Variants in AGO3 observed in about 807,000 individuals in gnomAD.
The protein encoded by AGO3 is argonaute RISC catalytic component 3.
Under a neutral mutation model 105.5 loss-of-function variants are expected in AGO3, and 16 were observed. The observed-to-expected ratio is 0.15, with a 90% confidence interval of 0.10 to 0.23. AGO3 has a LOEUF of 0.23. Ranked by LOEUF, AGO3 falls within the 10% of genes least tolerant of loss-of-function variation. AGO3 has a pLI of 1.00. For synonymous variants in AGO3, 340 were observed against 367.3 expected (o/e 0.93, Z 0.85); for missense variants, 534 against 1,088.0 (o/e 0.49, Z 7.16).
At chr1:36,022,332 A>G (rs963614328) in intron 11 of AGO3, among the ~76,000 whole-genome samples, 1 of 152,096 alleles carries the variant, frequency 6.6e-6, no homozygotes, top group Admixed American at 6.6e-5. Context: ...CACCCAAAGT[A>G]CTAGGATTAT....
chr1:35,935,863 A>G (rs1646137791), intron 1 of AGO3, among the ~76,000 whole-genome samples: 1 of 152,266 alleles, frequency 6.6e-6, no homozygotes, highest in Non-Finnish European at 1.5e-5. Flanking sequence ...ACTTAAAACT[A>G]GAATCTTAAA....
In AGO3 at chr1:36,020,557, C is replaced by A. The variant is rs952030156; in HGVS notation, c.1406+6509C>A. Among the ~76,000 whole-genome samples, 31 of 152,142 alleles carry A rather than the reference C, an allele frequency of 2.0e-4. 1 individual carries two copies. The highest frequency in any genetic ancestry group is 7.2e-4 in the African/African-American group (30 of 41,422). ...TCTTTTCCATTAACCTCCTTGAAGA[C>A]AAAATAGGATTTTATTTGCTTGTGA... is the stretch of plus-strand genomic sequence containing the variant. On this transcript the variant is annotated intron_variant, in intron 11 of 18. Coordinates refer to ENST00000373191, the MANE Select transcript of AGO3 (RefSeq NM_024852.4).
At chr1:35,932,756 A>G (rs1374682342) in intron 1 of AGO3, among the ~76,000 whole-genome samples, 2 of 152,156 alleles carry the variant, frequency 1.3e-5, no homozygotes, top group African/African-American at 2.4e-5. Context: ...TAAAAAAATT[A>G]CCATACTACT....
At chr1:36,029,511 C>T (rs1641668727) in intron 12 of AGO3, among the ~76,000 whole-genome samples, 1 of 150,926 alleles carries the variant, frequency 6.6e-6, no homozygotes, top group African/African-American at 2.4e-5. Context: ...TCTCCTGCCT[C>T]AGCCTCCTGA....
At chr1:36,006,130 C>A (rs1640322669) in intron 6 of AGO3, among the ~76,000 whole-genome samples, 1 of 149,604 alleles carries the variant, frequency 6.7e-6, no homozygotes, top group African/African-American at 2.5e-5. Context: ...TTAAAGAAGG[C>A]TCTTTAAAGT....
Position 36,015,292 on chromosome 1 carries a change from G to A in AGO3, c.1406+1244G>A, listed in dbSNP as rs541949725. Among the ~76,000 whole-genome samples the A allele has an allele frequency of 8.6e-4, 131 of 152,278 alleles. 2 individuals are homozygous for A. Among genetic ancestry groups the A allele is most frequent in the African/African-American group, 3.1e-3 (129 of 41,558 alleles). Reference sequence around the variant, plus strand: ...TATCCATAGGGTGAGGTATGGGGACGGAGTGTGGAGTTTACATGCCATCCC... The same window carrying A: ...TATCCATAGGGTGAGGTATGGGGACAGAGTGTGGAGTTTACATGCCATCCC... On this transcript the variant is annotated intron_variant, in intron 11 of 18. Transcript: ENST00000373191.
intron 16 of AGO3, among the ~76,000 whole-genome samples, chr1:36,042,717 T>A (rs1200201914): frequency 6.6e-6 from 1 of 152,178 alleles, no homozygotes; most frequent in African/African-American, 2.4e-5. Context: ...AAGGAGCTTG[T>A]ATCATCAAGA....
chr1:36,029,746 G>T (rs1557698785), intron 12 of AGO3, among the ~76,000 whole-genome samples: 1 of 145,816 alleles, frequency 6.9e-6, no homozygotes. Context: ...AGGCTGGAGT[G>T]CAGTGGCATG....
chr1:36,041,390 T>C (rs1372777686), intron 16 of AGO3, among the ~76,000 whole-genome samples: 1 of 151,760 alleles, frequency 6.6e-6, no homozygotes, highest in Non-Finnish European at 1.5e-5. Context: ...TACAGGCGCC[T>C]GCCACCATGC....
intron 2 of AGO3, among the ~76,000 whole-genome samples, chr1:35,955,068 G>C (rs989451189): frequency 6.6e-6 from 1 of 152,212 alleles, no homozygotes; most frequent in African/African-American, 2.4e-5. Flanking sequence ...CTAGAGATGA[G>C]TCTGAAGAGT....
intron 12 of AGO3, among the ~76,000 whole-genome samples, chr1:36,031,910 G>GGTGT (rs368252499): frequency 6.7e-6 from 1 of 148,424 alleles, no homozygotes; most frequent in African/African-American, 2.5e-5. Context: ...GGGGGCGGGG[G>GGTGT]GTGTGTGTGT....
intron 16 of AGO3, 62 bp downstream of exon 16, chr1:36,040,503 C>T: frequency 1.3e-6 from 2 of 1,570,670 alleles, no homozygotes; most frequent in Non-Finnish European, 1.7e-6. Flanking sequence ...GTTCATAGAG[C>T]ATTCAACAAG....
chr1:35,952,223 T>A (rs2148756352), intron 2 of AGO3, among the ~76,000 whole-genome samples: 1 of 144,814 alleles, frequency 6.9e-6, no homozygotes, highest in South Asian at 2.3e-4. Flanking sequence ...CGCGGCTCAC[T>A]GCAACCTCTG....
rs115536187 is a variant in AGO3 at position 35,976,585 on chromosome 1, G to A, written c.658+3074G>A. ...TCTTGCTCTAGAAGCATTAAGCATTGTATGTATACATTGTCATATTAAGGA... is the reference window on the plus strand; with the variant it reads ...TCTTGCTCTAGAAGCATTAAGCATTATATGTATACATTGTCATATTAAGGA... On this transcript the variant is annotated intron_variant, in intron 5 of 18. Coordinates refer to ENST00000373191, the MANE Select transcript of AGO3 (RefSeq NM_024852.4). 4.7e-3 allele frequency among the ~76,000 whole-genome samples: 720 copies of A among 152,186 alleles called. 10 individuals are homozygous for A. Among genetic ancestry groups the A allele is most frequent in the African/African-American group, 0.017 (686 of 41,532 alleles).
At chr1:35,964,810 G>A (rs1437080337) in intron 2 of AGO3, among the ~76,000 whole-genome samples, 2 of 151,908 alleles carry the variant, frequency 1.3e-5, no homozygotes, top group African/African-American at 2.4e-5. Context: ...CTTTTTAATA[G>A]TAGCCATTCT....
At position 36,055,317 on chromosome 1, in the gene AGO3, G is replaced by T; in HGVS notation, c.2474+172G>T. The T allele has an allele frequency of 1.5e-6, 1 of 668,868 alleles. No individual in the cohort carries two copies. The highest frequency in any genetic ancestry group is 2.5e-6 in the Non-Finnish European group (1 of 398,680). 41.4% of individuals were successfully genotyped at this position (668,868 alleles called of 1,614,324 possible). On this transcript the variant is annotated intron_variant, in intron 18 of 18. Coordinates refer to ENST00000373191, the MANE Select transcript of AGO3 (RefSeq NM_024852.4). This position sits in a 1 kb window ranked among gnomAD's most constrained non-coding sequence, Gnocchi z 4.4. The stretch of plus-strand genomic sequence containing the variant: ...ATATTGTCTAGGCTCATTAGTAATA[G>T]AATCATGTAGTAACTTAGTTGTTTT...
chr1:35,978,266 T>G (rs1557661578), intron 5 of AGO3, among the ~76,000 whole-genome samples: 1 of 152,168 alleles, frequency 6.6e-6, no homozygotes, highest in Non-Finnish European at 1.5e-5. Context: ...CTCGACTCAC[T>G]GCAACCTCCG....
In AGO3 at chr1:36,064,768, A is replaced by G. The variant is rs1232583620; in HGVS notation, c.*9023A>G. On this transcript the variant is annotated 3_prime_UTR_variant, in exon 19 of 19. Transcript: ENST00000373191. ...GTTACATTAGTTTGCCCTATGATAT[A>G]CTATTCTGAGATACTTCAGCCCCGC... 1 of 152,200 alleles carries G rather than the reference A, an allele frequency of 6.6e-6. No homozygotes were observed. Among genetic ancestry groups the G allele is most frequent in the African/African-American group, 2.4e-5 (1 of 41,430 alleles). The allele number at this position is 152,200 out of a possible 1,614,324, so 9.4% of individuals were successfully genotyped here. A position where few individuals can be genotyped will look rare whatever the true frequency, so the allele number is the denominator to read the frequency against.
chr1:35,985,799 G>A (rs1018460082), intron 5 of AGO3, among the ~76,000 whole-genome samples: 3 of 151,980 alleles, frequency 2.0e-5, no homozygotes, highest in Admixed American at 6.6e-5. Flanking sequence ...CTTGTGTATC[G>A]CAAAAGAAAC....
Sources: allele counts gnomAD v4.1 joint callset (sites outside exome capture counted in the v4.1 genomes callset), GRCh38; gene constraint gnomAD v4.1.1; non-coding constraint Gnocchi (gnomAD v3.1); transcripts MANE v1.5; gene names NCBI Gene and HGNC (gene_info 2026-07-23, HGNC 2026-07-21).